The following CACHD1 variants were observed in gnomAD, a reference collection of about 807,000 sequenced individuals.
The protein encoded by CACHD1 is cache domain containing 1.
Under a neutral mutation model 138.7 loss-of-function variants are expected in CACHD1, and 71 were observed. The ratio of observed to expected loss-of-function variants is 0.51; its 90% CI spans 0.42 to 0.62. The LOEUF is 0.62. Among genes scored for constraint, CACHD1 ranks in the 20% least tolerant of loss-of-function variants. The pLI is 0.00. For synonymous variants in CACHD1, 578 were observed against 591.5 expected (o/e 0.98, Z 0.33); for missense variants, 1,389 against 1,625.3 (o/e 0.85, Z 2.50).
intron 3 of CACHD1, among the ~76,000 whole-genome samples, chr1:64,583,668 G>T (rs1026082965): frequency 6.6e-6 from 1 of 152,138 alleles, no homozygotes; most frequent in African/African-American, 2.4e-5. Context: ...AATTTATAAA[G>T]GAAAAGAGGT....
In CACHD1 at chr1:64,663,790, G is replaced by A. The variant is rs1557545992; in HGVS notation, c.2047G>A (p.Ala683Thr). The A allele has an allele frequency of 3.1e-6, 5 of 1,614,034 alleles. No individual in the cohort carries two copies. The highest frequency in any genetic ancestry group is 1.1e-5 in the South Asian group (1 of 91,086). Reference protein sequence around the residue: ...ETKRMVEHYTAYLSDNTRLIA... With the variant: ...ETKRMVEHYTTYLSDNTRLIA... ...AAAGCGCATGGTAGAGCACTACACC[G>A]CCTATCTCAGCGACAACACCCGCCT... is the stretch of plus-strand genomic sequence containing the variant. The change falls in exon 14 of 27, where the codon GCC (alanine) becomes ACC (threonine). Residue 683 changes from alanine to threonine, a missense_variant. This residue lies in a region of CACHD1 where 1,000 missense variants were observed against 1,114.7 expected (regional missense o/e 0.90). Coordinates refer to ENST00000651257, the MANE Select transcript of CACHD1 (RefSeq NM_020925.4).
chr1:64,668,108 C>T (rs925921939), intron 16 of CACHD1, among the ~76,000 whole-genome samples: 17 of 152,064 alleles, frequency 1.1e-4, no homozygotes, highest in Admixed American at 1.1e-3. Context: ...GCAGGCGGAT[C>T]ATGAGGTCAG....
intron 2 of CACHD1, among the ~76,000 whole-genome samples, chr1:64,558,395 G>A (rs956227618): frequency 1.2e-4 from 18 of 152,136 alleles, no homozygotes; most frequent in African/African-American, 4.3e-4. Context: ...TCTCAATGAG[G>A]TGAGCACCAT....
intron 4 of CACHD1, among the ~76,000 whole-genome samples, chr1:64,620,285 T>G (rs902177876): frequency 6.6e-6 from 1 of 152,206 alleles, no homozygotes; most frequent in Admixed American, 6.5e-5. Context: ...CCTCCCTACC[T>G]ACATGTAGCT....
At chr1:64,677,416 C>T (rs188448646) in intron 22 of CACHD1, among the ~76,000 whole-genome samples, 3 of 152,286 alleles carry the variant, frequency 2.0e-5, no homozygotes, top group East Asian at 1.9e-4. Flanking sequence ...ACATGTTCCC[C>T]GCTCTCTCCC....
At position 64,691,344 on chromosome 1, in the gene CACHD1, A is replaced by G. The variant is rs910697989; in HGVS notation, c.3608A>G (p.Gln1203Arg). ...SDHGYSTMSP[Q>R]EDSENPPCNN... ...CTAGGTTACAGCACCATGAGCCCAC[A>G]GGAGGACAGTGAAAATCCTCCATGC... The change falls in exon 27 of 27, where the codon CAG (glutamine) becomes CGG (arginine). Residue 1203 changes from glutamine to arginine, a missense_variant. Physicochemically the swap from Gln to Arg is conservative, Grantham distance 43. Around this residue, in one of 5 missense-constraint regions of CACHD1, gnomAD observed 11 missense variants for 32.5 expected, o/e 0.34. Coordinates refer to ENST00000651257, the MANE Select transcript of CACHD1 (RefSeq NM_020925.4). 6.2e-7 allele frequency: 1 copy of G among 1,614,046 alleles called. No homozygotes were observed. Among genetic ancestry groups the G allele is most frequent in the Non-Finnish European group, 8.5e-7 (1 of 1,179,976 alleles).
chr1:64,516,983 G>A (rs1262128168), intron 1 of CACHD1, among the ~76,000 whole-genome samples: 3 of 152,146 alleles, frequency 2.0e-5, no homozygotes, highest in African/African-American at 7.2e-5. Flanking sequence ...ATGTGATCTT[G>A]TGCAAGTCAT....
chr1:64,614,106 C>T (rs769553860), intron 4 of CACHD1, among the ~76,000 whole-genome samples: 5 of 152,190 alleles, frequency 3.3e-5, no homozygotes, highest in Admixed American at 2.0e-4. Context: ...TGACCTAATA[C>T]GAGTCATTGT....
intron 1 of CACHD1, among the ~76,000 whole-genome samples, chr1:64,526,247 T>G (rs2100388872): frequency 6.6e-6 from 1 of 152,290 alleles, no homozygotes; most frequent in South Asian, 2.1e-4. Flanking sequence ...TGAGCCACAG[T>G]TAAGGTGCAA....
At chr1:64,661,114 A>G (rs1194773429) in intron 13 of CACHD1, among the ~76,000 whole-genome samples, 1 of 152,162 alleles carries the variant, frequency 6.6e-6, no homozygotes, top group Non-Finnish European at 1.5e-5. Flanking sequence ...AACCAAGGTA[A>G]TTAAAATACA....
chr1:64,604,916 A>C (rs1386627543), intron 4 of CACHD1, among the ~76,000 whole-genome samples: 1 of 147,668 alleles, frequency 6.8e-6, no homozygotes, highest in Non-Finnish European at 1.5e-5. Context: ...CTTCCAAAGT[A>C]CTGGGATTAC....
At chr1:64,523,197 A>C (rs1292132140) in intron 1 of CACHD1, among the ~76,000 whole-genome samples, 2 of 152,206 alleles carry the variant, frequency 1.3e-5, no homozygotes, top group Non-Finnish European at 2.9e-5. Context: ...TGTAGATGAC[A>C]CAATATGGTA....
In CACHD1 at chr1:64,470,850, G is replaced by A. The variant is rs1646139068; in HGVS notation, c.106G>A (p.Glu36Lys). Residue 36 changes from glutamate (E) to lysine (K), a missense_variant, in exon 1 of 27, where the codon GAA (glutamate) becomes AAA (lysine). Glu to Lys is a moderately conservative substitution (Grantham distance 56). Coordinates refer to ENST00000651257, the MANE Select transcript of CACHD1 (RefSeq NM_020925.4). This position sits in a 1 kb window ranked among gnomAD's most constrained non-coding sequence, Gnocchi z 5.2. ...VACWLLGAGA[E>K]ADFSILDEAQ... The stretch of plus-strand genomic sequence containing the variant: ...GTGCTGGCTCCTGGGCGCCGGGGCC[G>A]AAGCCGACTTCTCCATCCTGGACGA... 2.5e-6 allele frequency: 4 copies of A among 1,592,756 alleles called. No individual in the cohort carries two copies. In the East Asian group the frequency reaches 9.0e-5, roughly 36 times the overall value.
At chr1:64,570,906 A>G (rs547575105) in intron 2 of CACHD1, among the ~76,000 whole-genome samples, 1 of 151,654 alleles carries the variant, frequency 6.6e-6, no homozygotes, top group Admixed American at 6.6e-5. Flanking sequence ...GGCTTAAAAA[A>G]TTTTTTTTCC....
Position 64,679,650 on chromosome 1 carries a change from T to A in CACHD1, c.3300T>A (p.Ala1100=), listed in dbSNP as rs1175597810. ...MIKSAPVGPV[A]GGIMGCIMVL... ...AAAGCGCCCCTGTGGGTCCTGTGGC[T>A]GGAGGGATCATGGGATGCATCATGG... is the stretch of plus-strand genomic sequence containing the variant. The change falls in exon 24 of 27, where the codon GCT becomes GCA. Residue 1100 remains alanine, a synonymous_variant. Transcript: ENST00000651257. The A allele has an allele frequency of 1.2e-6, 2 of 1,614,214 alleles. No homozygotes were observed. The highest frequency in any genetic ancestry group is 1.7e-6 in the Non-Finnish European group (2 of 1,180,012).
intron 1 of CACHD1, among the ~76,000 whole-genome samples, chr1:64,496,052 G>C (rs905592603): frequency 3.3e-5 from 5 of 152,138 alleles, no homozygotes; most frequent in African/African-American, 1.2e-4. Context: ...ATAATGATTT[G>C]TTTGCCAACC....
chr1:64,572,701 G>A (rs563344729), intron 2 of CACHD1, among the ~76,000 whole-genome samples: 43 of 152,136 alleles, frequency 2.8e-4, no homozygotes, highest in African/African-American at 9.9e-4. Flanking sequence ...TTTTTCCATT[G>A]TACTCCTCCC....
At chr1:64,514,122 C>G (rs1011433145) in intron 1 of CACHD1, among the ~76,000 whole-genome samples, 4 of 152,108 alleles carry the variant, frequency 2.6e-5, no homozygotes, top group African/African-American at 9.7e-5. Flanking sequence ...CTGTTTGAAC[C>G]TTAGCTATCA....
At chr1:64,495,916 A>G (rs1486632767) in intron 1 of CACHD1, among the ~76,000 whole-genome samples, 4 of 152,210 alleles carry the variant, frequency 2.6e-5, no homozygotes, top group African/African-American at 9.7e-5. Flanking sequence ...AAAAAAGAAC[A>G]TGTATGGACT....
Sources: allele counts gnomAD v4.1 joint callset (sites outside exome capture counted in the v4.1 genomes callset), GRCh38; gene constraint gnomAD v4.1.1; regional missense constraint gnomAD v4.1.1; non-coding constraint Gnocchi (gnomAD v3.1); transcripts MANE v1.5; gene names NCBI Gene and HGNC (gene_info 2026-07-23, HGNC 2026-07-21).